The following BTBD2 variants were observed in gnomAD, a reference collection of about 807,000 sequenced individuals.
BTBD2 encodes the protein BTB/POZ domain-containing protein 2.
In BTBD2, 15 loss-of-function variants were observed where a neutral mutation model predicts 44.0. The observed-to-expected ratio is 0.34, with a 90% CI of 0.23 to 0.53. BTBD2 has a LOEUF of 0.53. Among genes scored for constraint, BTBD2 ranks in the 20% least tolerant of loss-of-function variants. The pLI is 0.95. For missense variants in BTBD2, 657 were observed against 746.4 expected, an observed-to-expected ratio of 0.88 and a Z score of 1.39; for synonymous variants, 443 against 335.9, an observed-to-expected ratio of 1.32 and a Z score of -3.49.
rs138243510 is a variant in BTBD2 at position 1,999,623 on chromosome 19, G to A, written c.408-2160C>T. Among the ~76,000 whole-genome samples the A allele has an allele frequency of 3.8e-4, 58 of 151,526 alleles. No individual in the cohort carries two copies. The East Asian group carries it at 7.6e-3, about 20-fold the overall frequency. ...CAAGGCTTCAGAGAGCCAGGACTGC[G>A]CCACTGCACTCCAGCCTGGGCAACA... On this transcript the variant is annotated intron_variant, in intron 1 of 8. Transcript: ENST00000255608.
intron 3 of BTBD2, 136 bp from the exon 4 acceptor site, chr19:1,990,958 C>A: frequency 1.3e-6 from 1 of 748,140 alleles, no homozygotes; most frequent in Non-Finnish European, 2.2e-6. Context: ...CCACCAGGGT[C>A]TCAGCCACCA....
Position 2,004,204 on chromosome 19 carries a change from G to A in BTBD2, c.408-6741C>T, listed in dbSNP as rs191041004. Among the ~76,000 whole-genome samples the A allele has an allele frequency of 9.2e-5, 14 of 151,718 alleles. No homozygotes were observed. In the South Asian group the frequency reaches 1.7e-3, roughly 18 times the overall value. Reference sequence around the variant, plus strand: ...CCCCTAACATGTATAAAACCAACCTGTGCCCCACCCACCCTGGGAACATAC... The same window carrying A: ...CCCCTAACATGTATAAAACCAACCTATGCCCCACCCACCCTGGGAACATAC... On this transcript the variant is annotated intron_variant, in intron 1 of 8. Coordinates refer to ENST00000255608, the MANE Select transcript of BTBD2 (RefSeq NM_017797.4).
chr19:2,011,852 AT>A (rs1013971595), intron 1 of BTBD2, among the ~76,000 whole-genome samples: 5 of 150,404 alleles, frequency 3.3e-5, no homozygotes, highest in Middle Eastern at 3.4e-3. Context: ...TTCTCCTTTT[AT>A]TTTTTTTCCT....
At chr19:1,995,104 G>C (rs1227925548) in intron 2 of BTBD2, among the ~76,000 whole-genome samples, 1 of 150,844 alleles carries the variant, frequency 6.6e-6, no homozygotes, top group Non-Finnish European at 1.5e-5. Context: ...AGTAGCTGGG[G>C]TTACAGGTGC....
rs200492787 is a variant in BTBD2, at chr19:1,995,759, C to T, written c.527+1585G>A. Among the ~76,000 whole-genome samples, 32 of 151,846 alleles carry T rather than the reference C, an allele frequency of 2.1e-4. No homozygotes were observed. In the East Asian group the frequency reaches 5.6e-3, roughly 27 times the overall value. ...TCACGCCATTCTCCTGCCTCAGCCT[C>T]CCAAGTAGCTGCGACTACGGGCGTC... On this transcript the variant is annotated intron_variant, in intron 2 of 8. Transcript: ENST00000255608.
intron 5 of BTBD2, 42 bp from the exon 6 acceptor site, chr19:1,987,734 C>T (rs1480638772): frequency 9.1e-6 from 14 of 1,530,760 alleles, no homozygotes; most frequent in Non-Finnish European, 9.7e-6. Context: ...GGGCTGCACC[C>T]CAGGATCCCG....
Position 1,993,073 on chromosome 19 carries a change from C to A in BTBD2, c.631G>T (p.Glu211Ter). 6.2e-7 allele frequency: 1 copy of A among 1,603,600 alleles called. No individual in the cohort carries two copies. The highest frequency in any genetic ancestry group is 8.5e-7 in the Non-Finnish European group (1 of 1,176,914). The change falls in exon 3 of 9, where the codon GAG (glutamate) becomes TAG (stop). Residue 211 changes from glutamate to a stop codon, truncating the protein, a stop_gained. Coordinates refer to ENST00000255608, the MANE Select transcript of BTBD2 (RefSeq NM_017797.4). LOFTEE classifies it high-confidence loss of function. ...GCTCGCAGGTTCTTCTTCAGGAACT[C>A]CACGCAATGGGCCTCGAGCGCTGGC... is the stretch of plus-strand genomic sequence containing the variant. ...AVPALEAHCV[E>*]FLKKNLRADN...
At chr19:1,992,997 C>T in intron 3 of BTBD2, 23 bp downstream of exon 3, 3 of 1,527,938 alleles carry the variant, frequency 2.0e-6, no homozygotes, top group East Asian at 2.5e-5. Context: ...GCCCCGCCCC[C>T]GCCTCGTACC....
At chr19:1,995,895 T>G (rs546358103) in intron 2 of BTBD2, among the ~76,000 whole-genome samples, 15 of 152,258 alleles carry the variant, frequency 9.9e-5, no homozygotes, top group African/African-American at 3.4e-4. Flanking sequence ...GATCTCGTGA[T>G]CCGCCCATCT....
At position 2,015,507 on chromosome 19, in the gene BTBD2, C is replaced by G; in HGVS notation, c.197G>C (p.Gly66Ala). 1 of 1,006,914 alleles carries G rather than the reference C, an allele frequency of 9.9e-7. No homozygotes were observed. The highest frequency in any genetic ancestry group is 1.2e-6 in the Non-Finnish European group (1 of 846,994). 62.4% of individuals were successfully genotyped at this position (1,006,914 alleles called of 1,614,324 possible). The change falls in exon 1 of 9, where the codon GGG becomes GCG. Residue 66 changes from glycine (G) to alanine (A), a missense_variant. Around this residue, in one of 3 missense-constraint regions of BTBD2, gnomAD observed 191 missense variants for 188.5 expected, o/e 1.01. Coordinates refer to ENST00000255608, the MANE Select transcript of BTBD2 (RefSeq NM_017797.4). ...CGCGCCCGCGGCCTGCGCGTCTGTC[C>G]CGGGGCCCGGCGGGGCGGGCGGCGT... The part of the protein sequence containing the change: ...GPTPPAPPGP[G>A]TDAQAAGAER...
Position 2,015,351 on chromosome 19 carries a change from TCGCACAGC to T in BTBD2, c.345_352del (p.Leu116ArgfsTer29). ...CCCCTTGCCCACCAGGAAGTGCACG[TCGCACAGC>T]ACCTCGTTGTTGAAGAGGAAGGCGA... is the stretch of plus-strand genomic sequence containing the variant. On this transcript the variant is annotated frameshift_variant, in exon 1 of 9. Coordinates refer to ENST00000255608, the MANE Select transcript of BTBD2 (RefSeq NM_017797.4). LOFTEE classifies it high-confidence loss of function. 1 of 1,585,162 alleles carries T rather than the reference TCGCACAGC, an allele frequency of 6.3e-7. No homozygotes were observed. The highest frequency in any genetic ancestry group is 8.5e-7 in the Non-Finnish European group (1 of 1,173,024).
chr19:1,993,532 G>A (rs2016209747), intron 2 of BTBD2, among the ~76,000 whole-genome samples: 2 of 152,068 alleles, frequency 1.3e-5, no homozygotes, highest in Non-Finnish European at 2.9e-5. Context: ...TTTCCATGAG[G>A]AACTGTTGGT....
intron 1 of BTBD2, among the ~76,000 whole-genome samples, chr19:2,008,660 T>C (rs1054827324): frequency 3.5e-5 from 5 of 144,918 alleles, no homozygotes; most frequent in African/African-American, 5.2e-5. Flanking sequence ...GGTAGGATCA[T>C]GGCTCACTGC....
intron 6 of BTBD2, 114 bp downstream of exon 6, chr19:1,987,386 C>T (rs1326054173): frequency 1.5e-5 from 21 of 1,401,162 alleles, no homozygotes; most frequent in African/African-American, 5.8e-5. Context: ...GCGGCCCCCC[C>T]GCCGTCTTCA....
At chr19:2,010,309 C>T (rs1452102614) in intron 1 of BTBD2, among the ~76,000 whole-genome samples, 1 of 152,208 alleles carries the variant, frequency 6.6e-6, no homozygotes, top group Admixed American at 6.5e-5. Flanking sequence ...ACAATCACTG[C>T]GTGCCTACTG....
intron 1 of BTBD2, chr19:2,002,650 GAT>G (rs2055070653): frequency 1.3e-5 from 2 of 152,174 alleles, no homozygotes; most frequent in Non-Finnish European, 2.9e-5. Context: ...GAGGCGGGTG[GAT>G]CATGAGGTCA....
intron 6 of BTBD2, 70 bp downstream of exon 6, chr19:1,987,430 C>T (rs1428418815): frequency 1.6e-5 from 19 of 1,203,654 alleles, no homozygotes; most frequent in East Asian, 2.6e-5. Flanking sequence ...ATGCCCGGCC[C>T]CCCATCTCCG....
At chr19:1,986,769 C>G in intron 8 of BTBD2, 61 bp downstream of exon 8, 6 of 1,571,102 alleles carry the variant, frequency 3.8e-6, no homozygotes, top group Non-Finnish European at 5.2e-6. Flanking sequence ...GTGCTGTGCC[C>G]CGGTGGCTTC....
At chr19:1,999,979 AAAAAAAGAAAAAG>A (rs1244620674) in intron 1 of BTBD2, among the ~76,000 whole-genome samples, 2 of 151,834 alleles carry the variant, frequency 1.3e-5, no homozygotes, top group Non-Finnish European at 1.5e-5. Context: ...AAAAAAAAAA[AAAAAAAGAAAAAG>A]AAAAAAGAAA....
Sources: allele counts gnomAD v4.1 joint callset (sites outside exome capture counted in the v4.1 genomes callset), GRCh38; gene constraint gnomAD v4.1.1; regional missense constraint gnomAD v4.1.1; transcripts MANE v1.5; gene names NCBI Gene and HGNC (gene_info 2026-07-23, HGNC 2026-07-21).